TMEM245: variants seen among roughly 807,000 people sequenced by gnomAD.
TMEM245 encodes protein CG-2.
A neutral mutation model predicts 101.2 loss-of-function variants in TMEM245; 69 were observed. The ratio of observed to expected loss-of-function variants is 0.68; its 90% confidence interval spans 0.56 to 0.83. TMEM245 has a LOEUF of 0.83. Ranked by LOEUF, TMEM245 falls within the 40% of genes least tolerant of loss-of-function variation. TMEM245 has a pLI of 0.00. For synonymous variants in TMEM245, 537 were observed against 449.8 expected (o/e 1.19, Z -2.45); for missense variants, 1,075 against 1,092.8 (o/e 0.98, Z 0.23).
chr9:109,060,536 G>T, intron 10 of TMEM245, 84 bp from the exon 11 acceptor site: 2 of 922,208 alleles, frequency 2.2e-6, no homozygotes, highest in South Asian at 1.6e-5. Flanking sequence ...ATTTACATTT[G>T]TTCCAAAGCA....
chr9:109,082,878 G>A (rs915318243), intron 7 of TMEM245, among the ~76,000 whole-genome samples: 7 of 151,948 alleles, frequency 4.6e-5, no homozygotes, highest in Non-Finnish European at 5.9e-5. Flanking sequence ...AAATAAAAAC[G>A]TATATCCAAG....
chr9:109,059,981 G>A (rs1297777377), intron 11 of TMEM245, among the ~76,000 whole-genome samples: 1 of 151,900 alleles, frequency 6.6e-6, no homozygotes, highest in East Asian at 1.9e-4. Context: ...AGTATTTGGG[G>A]CATATTGGGT....
intron 3 of TMEM245, among the ~76,000 whole-genome samples, chr9:109,097,236 G>A (rs1830165688): frequency 6.6e-6 from 1 of 152,106 alleles, no homozygotes; most frequent in African/African-American, 2.4e-5. Flanking sequence ...AGAGAGCAGG[G>A]GTAGAAAAGT....
At chr9:109,044,244 T>C (rs1828405187) in intron 14 of TMEM245, among the ~76,000 whole-genome samples, 1 of 152,080 alleles carries the variant, frequency 6.6e-6, no homozygotes, top group Admixed American at 6.6e-5. Flanking sequence ...AAGAAAAAAA[T>C]AACAAGACAA....
intron 3 of TMEM245, among the ~76,000 whole-genome samples, chr9:109,104,849 AC>A (rs1448893133): frequency 2.6e-5 from 4 of 152,226 alleles, no homozygotes; most frequent in Non-Finnish European, 5.9e-5. Context: ...CACATCATTT[AC>A]AAAAATTATT....
intron 8 of TMEM245, among the ~76,000 whole-genome samples, chr9:109,077,643 A>G (rs1349935192): frequency 2.0e-5 from 3 of 152,336 alleles, no homozygotes; most frequent in East Asian, 3.9e-4. Flanking sequence ...TCTTATGTCA[A>G]TATTAACTCT....
chr9:109,038,057 A>G lies in TMEM245; in HGVS notation c.2184T>C (p.Thr728=), dbSNP rs747544477. ...CAATATTGATGCCAAACATAGTATGAGTCAGCCAGGTATACAATCCATAGA... is the reference window on the plus strand; with the variant it reads ...CAATATTGATGCCAAACATAGTATGGGTCAGCCAGGTATACAATCCATAGA... ...AGFYGLYTWL[T]HTMFGINIVF... The change falls in exon 15 of 18, where the codon ACT becomes ACC. Residue 728 remains threonine (T), a synonymous_variant. Coordinates refer to ENST00000374586, the MANE Select transcript of TMEM245 (RefSeq NM_032012.4). The G allele has an allele frequency of 6.2e-7, 1 of 1,613,400 alleles. No individual in the cohort carries two copies.
At chr9:109,062,684 A>T (rs1275377277) in intron 10 of TMEM245, among the ~76,000 whole-genome samples, 2 of 152,208 alleles carry the variant, frequency 1.3e-5, no homozygotes, top group African/African-American at 4.8e-5. Flanking sequence ...TAATAAAGCC[A>T]TTTGGCCAGG....
Position 109,050,639 on chromosome 9 carries a change from G to A in TMEM245, c.1908C>T (p.Thr636=), listed in dbSNP as rs775722583. Reference sequence around the variant, plus strand: ...GGATGGTCAAGAGTGTAGTGACAGTGGTGAACAGCAGGCTCACATTCCGGC... The same window carrying A: ...GGATGGTCAAGAGTGTAGTGACAGTAGTGAACAGCAGGCTCACATTCCGGC... ...VMSRNVSLLF[T]TVTTLLTILF... The change falls in exon 13 of 18, where the codon ACC becomes ACT. Residue 636 remains threonine, a synonymous_variant. Coordinates refer to ENST00000374586, the MANE Select transcript of TMEM245 (RefSeq NM_032012.4). 19 of 1,613,418 alleles carry A rather than the reference G, an allele frequency of 1.2e-5. No individual in the cohort carries two copies. The highest frequency in any genetic ancestry group is 1.4e-5 in the Non-Finnish European group (17 of 1,179,918).
At chr9:109,078,302 TAAAAG>T (rs377654670) in intron 8 of TMEM245, among the ~76,000 whole-genome samples, 1,747 of 152,304 alleles carry the variant, frequency 0.011, 13 homozygotes, top group South Asian at 0.031. Flanking sequence ...TTAAATAAAT[TAAAAG>T]AAGACAGGGG....
intron 3 of TMEM245, among the ~76,000 whole-genome samples, chr9:109,101,517 A>G (rs1830281926): frequency 6.6e-6 from 1 of 152,220 alleles, no homozygotes; most frequent in Admixed American, 6.5e-5. Context: ...GGGCAAGAAG[A>G]AAAAAATACT....
chr9:109,039,558 T>C lies in TMEM245; in HGVS notation c.2124-1441A>G, dbSNP rs144554291. On this transcript the variant is annotated intron_variant, in intron 14 of 17. Transcript: ENST00000374586. ...AAGGATGATGAAAATACCCTAGAGG[T>C]AGCTGAAATAAGAGACAAGGCTTAA... 2.4e-3 allele frequency among the ~76,000 whole-genome samples: 359 copies of C among 151,896 alleles called. 3 individuals carry two copies. Among genetic ancestry groups the C allele is most frequent in the African/African-American group, 8.3e-3 (345 of 41,426 alleles).
chr9:109,067,094 T>C (rs1014765210), intron 9 of TMEM245, among the ~76,000 whole-genome samples: 4 of 150,088 alleles, frequency 2.7e-5, no homozygotes, highest in African/African-American at 4.9e-5. Flanking sequence ...TTCATAGAGG[T>C]ATCTGGACAG....
chr9:109,037,897 G>C, intron 15 of TMEM245, 120 bp downstream of exon 15: 1 of 676,748 alleles, frequency 1.5e-6, no homozygotes, highest in Non-Finnish European at 2.5e-6. Context: ...GACTAGATTC[G>C]ATCTCAAGCC....
intron 1 of TMEM245, among the ~76,000 whole-genome samples, chr9:109,109,130 A>G (rs1452523628): frequency 6.6e-6 from 1 of 152,196 alleles, no homozygotes; most frequent in African/African-American, 2.4e-5. Context: ...AACCTAATCC[A>G]GAGTTATGAT....
chr9:109,076,609 A>C (rs1469043754), intron 8 of TMEM245, among the ~76,000 whole-genome samples: 1 of 152,218 alleles, frequency 6.6e-6, no homozygotes, highest in Non-Finnish European at 1.5e-5. Flanking sequence ...CCCGCCAAAA[A>C]AAAAGTATGT....
chr9:109,024,659 C>T lies in TMEM245; in HGVS notation c.2595-4154G>A, dbSNP rs117680224. Among the ~76,000 whole-genome samples, 386 of 152,330 alleles carry T rather than the reference C, an allele frequency of 2.5e-3. 1 individual carries two copies. Among genetic ancestry groups the T allele is most frequent in the Non-Finnish European group, 4.3e-3 (290 of 68,026 alleles). On this transcript the variant is annotated intron_variant, in intron 17 of 17. Coordinates refer to ENST00000374586, the MANE Select transcript of TMEM245 (RefSeq NM_032012.4). ...GGTACTTTGAGTATACACCATGATACTGGACTTGGCTAGGAGGGAAGTGGT... is the reference window on the plus strand; with the variant it reads ...GGTACTTTGAGTATACACCATGATATTGGACTTGGCTAGGAGGGAAGTGGT...
chr9:109,025,841 G>C (rs1303714638), intron 17 of TMEM245, among the ~76,000 whole-genome samples: 1 of 152,222 alleles, frequency 6.6e-6, no homozygotes, highest in Non-Finnish European at 1.5e-5. Flanking sequence ...CAAAATAGTT[G>C]GGAGCCCAAA....
intron 5 of TMEM245, among the ~76,000 whole-genome samples, chr9:109,088,591 G>A (rs560037237): frequency 3.9e-5 from 6 of 151,948 alleles, no homozygotes; most frequent in South Asian, 2.1e-4. Flanking sequence ...AGGCCGAGGC[G>A]GGCGGATCAC....
Sources: allele counts gnomAD v4.1 joint callset (sites outside exome capture counted in the v4.1 genomes callset), GRCh38; gene constraint gnomAD v4.1.1; transcripts MANE v1.5; gene names NCBI Gene and HGNC (gene_info 2026-07-23, HGNC 2026-07-21).